Variants in STAU2 observed in about 807,000 individuals in gnomAD.
The protein encoded by STAU2 is staufen double-stranded RNA binding protein 2, also known as double-stranded RNA-binding protein Staufen homolog 2.
A neutral mutation model predicts 65.9 loss-of-function variants in STAU2; 20 were observed. The observed-to-expected ratio is 0.30, with a 90% CI of 0.21 to 0.44. The LOEUF is 0.44. STAU2 is among the 20% of genes least tolerant of loss of function. The pLI is 1.00. For missense variants in STAU2, 558 were observed against 683.9 expected (o/e 0.82, Z 2.05); for synonymous variants, 232 against 233.9 (o/e 0.99, Z 0.07).
At chr8:73,666,185 A>G (rs1443630054) in intron 6 of STAU2, among the ~76,000 whole-genome samples, 2 of 152,192 alleles carry the variant, frequency 1.3e-5, no homozygotes, top group African/African-American at 4.8e-5. Flanking sequence ...TGAGTGAAAA[A>G]TCTTATATGC....
At chr8:73,661,716 G>C (rs961684608) in intron 6 of STAU2, among the ~76,000 whole-genome samples, 7 of 152,148 alleles carry the variant, frequency 4.6e-5, no homozygotes, top group Non-Finnish European at 1.0e-4. Context: ...TATCTGTCCT[G>C]TCTTCTTTTG....
At chr8:73,633,787 T>A (rs968241843) in intron 6 of STAU2, among the ~76,000 whole-genome samples, 24 of 151,850 alleles carry the variant, frequency 1.6e-4, no homozygotes, top group African/African-American at 5.3e-4. Context: ...TCAAGACCAG[T>A]CTGGACAACA....
chr8:73,521,646 T>C (rs1043583550), intron 13 of STAU2, among the ~76,000 whole-genome samples: 1 of 152,188 alleles, frequency 6.6e-6, no homozygotes, highest in African/African-American at 2.4e-5. Flanking sequence ...CCTGGGCTAG[T>C]AATATGCATA....
intron 5 of STAU2, among the ~76,000 whole-genome samples, chr8:73,685,238 A>G (rs1563504855): frequency 6.6e-6 from 1 of 152,136 alleles, no homozygotes; most frequent in Non-Finnish European, 1.5e-5. Flanking sequence ...TCCTTCATAA[A>G]TTACCCAGAA....
At chr8:73,466,447 A>C (rs1819659428) in intron 13 of STAU2, among the ~76,000 whole-genome samples, 1 of 152,216 alleles carries the variant, frequency 6.6e-6, no homozygotes, top group South Asian at 2.1e-4. Context: ...GGCAGGATGA[A>C]AGAAATAATC....
chr8:73,695,573 G>A (rs1586291836), intron 4 of STAU2, among the ~76,000 whole-genome samples: 1 of 152,148 alleles, frequency 6.6e-6, no homozygotes, highest in African/African-American at 2.4e-5. Flanking sequence ...TTTAAGAAAA[G>A]CAGACAGAAA....
rs2129635475 is a variant in STAU2 at position 73,595,429 on chromosome 8, A to G, written c.1030-132T>C. 4.1e-6 allele frequency: 3 copies of G among 739,886 alleles called. No homozygotes were observed. In the East Asian group the frequency reaches 8.8e-5, roughly 22 times the overall value. 45.8% of individuals were successfully genotyped at this position (739,886 alleles called of 1,614,324 possible). On this transcript the variant is annotated intron_variant, in intron 10 of 14. Coordinates refer to ENST00000524300, the MANE Select transcript of STAU2 (RefSeq NM_001164380.2). Reference sequence around the variant, plus strand: ...AGTTCAGTCCAAAGTAAAAATGGCAACTAAGATAACATTTATGTAATGTTG... The same window carrying G: ...AGTTCAGTCCAAAGTAAAAATGGCAGCTAAGATAACATTTATGTAATGTTG...
At chr8:73,637,849 G>A (rs1381681458) in intron 6 of STAU2, among the ~76,000 whole-genome samples, 1 of 151,980 alleles carries the variant, frequency 6.6e-6, no homozygotes, top group Non-Finnish European at 1.5e-5. Flanking sequence ...CATTGTGGAA[G>A]TTATGATCTA....
At chr8:73,495,880 A>G (rs1821394763) in intron 13 of STAU2, among the ~76,000 whole-genome samples, 1 of 151,380 alleles carries the variant, frequency 6.6e-6, no homozygotes, top group Non-Finnish European at 1.5e-5. Flanking sequence ...TCAAGTTTGT[A>G]TGTTCTCTTT....
chr8:73,658,934 CAAA>C (rs72251012), intron 6 of STAU2, among the ~76,000 whole-genome samples: 26,503 of 96,762 alleles, frequency 0.27, 2,617 homozygotes, highest in East Asian at 0.43. Context: ...ACAACAACAA[CAAA>C]AACAACAAAA....
At chr8:73,422,280 C>G (rs1283707075) in intron 14 of STAU2, among the ~76,000 whole-genome samples, 1 of 152,208 alleles carries the variant, frequency 6.6e-6, no homozygotes, top group Non-Finnish European at 1.5e-5. Flanking sequence ...CTGAAAATGG[C>G]TTAGCCAGAC....
intron 11 of STAU2, among the ~76,000 whole-genome samples, chr8:73,593,268 T>C (rs969087295): frequency 6.6e-6 from 1 of 152,226 alleles, no homozygotes. Flanking sequence ...TTTTGAAGAA[T>C]GCAAACCAGA....
chr8:73,673,322 T>C, intron 5 of STAU2, 80 bp from the exon 6 acceptor site: 1 of 1,304,580 alleles, frequency 7.7e-7, no homozygotes, highest in Admixed American at 2.8e-5. Flanking sequence ...TATACAACGC[T>C]TAAATACCAT....
At chr8:73,574,765 G>A (rs983513602) in intron 12 of STAU2, among the ~76,000 whole-genome samples, 4 of 152,058 alleles carry the variant, frequency 2.6e-5, no homozygotes, top group African/African-American at 9.7e-5. Context: ...CATGGGGTAG[G>A]GGGCTGAGGG....
At chr8:73,525,664 G>T (rs1407870514) in intron 13 of STAU2, among the ~76,000 whole-genome samples, 1 of 152,226 alleles carries the variant, frequency 6.6e-6, no homozygotes, top group Non-Finnish European at 1.5e-5. Flanking sequence ...CCACCTCTGT[G>T]AACAGTGGGT....
chr8:73,450,023 G>A (rs1246917172), intron 13 of STAU2, among the ~76,000 whole-genome samples: 6 of 152,246 alleles, frequency 3.9e-5, no homozygotes. Flanking sequence ...TGCCGGGCTG[G>A]CAGAGGCAAG....
chr8:73,708,942 C>A, intron 4 of STAU2, 90 bp downstream of exon 4: 1 of 1,288,854 alleles, frequency 7.8e-7, no homozygotes, highest in Non-Finnish European at 1.0e-6. Flanking sequence ...GCTGAACCCC[C>A]ACTCCCCAAA....
At chr8:73,651,701 A>G in intron 6 of STAU2, 1 of 462,746 alleles carries the variant, frequency 2.2e-6, no homozygotes, top group South Asian at 2.0e-5. Flanking sequence ...CACCCCCCAA[A>G]GCCCAGGAAG....
chr8:73,655,121 A>G (rs1169867949), intron 6 of STAU2, among the ~76,000 whole-genome samples: 5 of 152,206 alleles, frequency 3.3e-5, no homozygotes, highest in Admixed American at 6.5e-5. Context: ...TAGTGTTCAA[A>G]CTTGAATGCT....
Sources: allele counts gnomAD v4.1 joint callset (sites outside exome capture counted in the v4.1 genomes callset), GRCh38; gene constraint gnomAD v4.1.1; transcripts MANE v1.5; gene names NCBI Gene and HGNC (gene_info 2026-07-23, HGNC 2026-07-21).